The following TECTA variants were observed in gnomAD, a reference collection of about 807,000 sequenced individuals.
TECTA encodes the protein tectorin alpha, also known as alpha-tectorin.
A neutral mutation model predicts 216.8 loss-of-function variants in TECTA; 128 were observed. The observed-to-expected ratio is 0.59, with a 90% CI of 0.51 to 0.68. The LOEUF is 0.68. TECTA is among the 30% of genes least tolerant of loss of function. The pLI, the probability that TECTA is intolerant of heterozygous loss-of-function variation, is 0.00. For missense variants in TECTA, 2,551 were observed against 2,786.2 expected (o/e 0.92, Z 1.90); for synonymous variants, 1,089 against 1,117.1 (o/e 0.97, Z 0.50).
At position 121,190,834 on chromosome 11, in the gene TECTA, T is replaced by C. The variant is rs1417032976; in HGVS notation, c.*28T>C. On this transcript the variant is annotated 3_prime_UTR_variant, in exon 24 of 24. Coordinates refer to ENST00000392793, the MANE Select transcript of TECTA (RefSeq NM_005422.4). The stretch of plus-strand genomic sequence containing the variant: ...AACTCAAGGTTGCTATATAAAGTAC[T>C]GTAATTTACTTACTTCAACACCCTG... The C allele has an allele frequency of 6.5e-7, 1 of 1,529,332 alleles. No individual in the cohort carries two copies. Among genetic ancestry groups the C allele is most frequent in the Middle Eastern group, 1.7e-4 (1 of 5,898 alleles). The allele number at this position is 1,529,332 out of a possible 1,614,324, so 94.7% of individuals were successfully genotyped here. A position where few individuals can be genotyped will look rare whatever the true frequency, so the allele number is the denominator to read the frequency against.
intron 20 of TECTA, among the ~76,000 whole-genome samples, chr11:121,186,940 A>G (rs538490231): frequency 1.6e-3 from 238 of 152,350 alleles, no homozygotes; most frequent in African/African-American, 5.4e-3. Context: ...GCCACATGCC[A>G]TGTAGTGCAT....
At chr11:121,103,873 T>A (rs1946368091) in intron 2 of TECTA, among the ~76,000 whole-genome samples, 2 of 152,190 alleles carry the variant, frequency 1.3e-5, no homozygotes, top group Non-Finnish European at 2.9e-5. Flanking sequence ...TATTTAACAG[T>A]CCGTTCTTTC....
At chr11:121,175,639 G>C (rs1947158326) in intron 20 of TECTA, among the ~76,000 whole-genome samples, 1 of 152,102 alleles carries the variant, frequency 6.6e-6, no homozygotes, top group South Asian at 2.1e-4. Context: ...GAATAGGTGT[G>C]GTGTGGTGCT....
intron 11 of TECTA, among the ~76,000 whole-genome samples, chr11:121,139,869 A>G (rs1044542733): frequency 5.3e-5 from 8 of 152,302 alleles, no homozygotes; most frequent in African/African-American, 1.7e-4. Context: ...TGGATAGTCA[A>G]AGCTACCCAT....
In TECTA at chr11:121,168,959, G is replaced by A. The variant is rs377547006; in HGVS notation, c.5999+34G>A. 5 of 1,613,616 alleles carry A rather than the reference G, an allele frequency of 3.1e-6. No homozygotes were observed. The African/African-American group carries it at 4.0e-5, about 13-fold the overall frequency. On this transcript the variant is annotated intron_variant, in intron 20 of 23. Transcript: ENST00000392793. ...CCTCTTTATAGACAACATTCTCAGA[G>A]CTTCAGGTATAATATTGTCCTCATC... is the stretch of plus-strand genomic sequence containing the variant.
chr11:121,163,799 C>A (rs1249564397), intron 16 of TECTA, among the ~76,000 whole-genome samples: 1 of 152,212 alleles, frequency 6.6e-6, no homozygotes, highest in Non-Finnish European at 1.5e-5. Flanking sequence ...TTCCTGTGGG[C>A]TGTAACCTCT....
chr11:121,173,417 G>C (rs1364901927), intron 20 of TECTA, among the ~76,000 whole-genome samples: 3 of 141,886 alleles, frequency 2.1e-5, no homozygotes, highest in African/African-American at 8.1e-5. Context: ...TGGCTAGCCA[G>C]TTTTCCCAGC....
chr11:121,190,701 T>A lies in TECTA; in HGVS notation c.6368-5T>A, dbSNP rs1469157532. 1.9e-6 allele frequency: 3 copies of A among 1,611,320 alleles called. No individual in the cohort carries two copies. The highest frequency in any genetic ancestry group is 2.5e-6 in the Non-Finnish European group (3 of 1,177,540). On this transcript the variant is annotated splice_region_variant and splice_polypyrimidine_tract_variant and intron_variant, in intron 23 of 23. Coordinates refer to ENST00000392793, the MANE Select transcript of TECTA (RefSeq NM_005422.4). ...AGGGCTTACTGTGTTCCTCTCTGTTTACAGCCTCTAATTCTTCAATGGAAC... is the reference window on the plus strand; with the variant it reads ...AGGGCTTACTGTGTTCCTCTCTGTTAACAGCCTCTAATTCTTCAATGGAAC...
At chr11:121,180,938 C>T (rs1393757710) in intron 20 of TECTA, among the ~76,000 whole-genome samples, 3 of 150,996 alleles carry the variant, frequency 2.0e-5, no homozygotes, top group Non-Finnish European at 2.9e-5. Flanking sequence ...GAGGCCGAAG[C>T]GGGTGGATCA....
chr11:121,180,405 G>C (rs1020353577), intron 20 of TECTA, among the ~76,000 whole-genome samples: 2 of 151,756 alleles, frequency 1.3e-5, no homozygotes, highest in Non-Finnish European at 2.9e-5. Flanking sequence ...TTCTTGATTA[G>C]CAGGTTTTTT....
intron 2 of TECTA, among the ~76,000 whole-genome samples, chr11:121,103,181 G>A (rs1028804229): frequency 6.6e-6 from 1 of 152,040 alleles, no homozygotes; most frequent in Admixed American, 6.6e-5. Context: ...GACCTTTTAC[G>A]TGGCCCTCAA....
Position 121,128,286 on chromosome 11 carries a change from G to A in TECTA, c.2309G>A (p.Arg770Gln), listed in dbSNP as rs1357752402. Residue 770 changes from arginine (R) to glutamine (Q), a missense_variant, in exon 9 of 24, where the codon CGG becomes CAG. Coordinates refer to ENST00000392793, the MANE Select transcript of TECTA (RefSeq NM_005422.4). Reference sequence around the variant, plus strand: ...GGACCTGCTTGGCTGCGGGGACTTCGGATCCTGGTGGCCGACCAGGAGGTC... The same window carrying A: ...GGACCTGCTTGGCTGCGGGGACTTCAGATCCTGGTGGCCGACCAGGAGGTC... The part of the protein sequence containing the change: ...DAGPAWLRGL[R>Q]ILVADQEVKI... 2 of 1,599,772 alleles carry A rather than the reference G, an allele frequency of 1.3e-6. No individual in the cohort carries two copies. Among genetic ancestry groups the A allele is most frequent in the Non-Finnish European group, 1.7e-6 (2 of 1,179,966 alleles).
intron 16 of TECTA, among the ~76,000 whole-genome samples, chr11:121,165,045 T>C (rs1441184111): frequency 9.9e-5 from 15 of 152,204 alleles, no homozygotes; most frequent in Admixed American, 9.8e-4. Flanking sequence ...AATACTTAGC[T>C]TGAGGAGTAT....
At chr11:121,168,264 C>CAGAA in intron 19 of TECTA, 47 bp downstream of exon 19, 2 of 1,611,394 alleles carry the variant, frequency 1.2e-6, no homozygotes, top group Non-Finnish European at 1.7e-6. Flanking sequence ...TATTCCTTGA[C>CAGAA]AGTTAAGGTT....
chr11:121,166,877 G>A lies in TECTA; in HGVS notation c.5586+97G>A, dbSNP rs773189302. 7.4e-5 allele frequency: 104 copies of A among 1,411,980 alleles called. 1 individual carries two copies. The highest frequency in any genetic ancestry group is 1.1e-4 in the Admixed American group (6 of 55,934). 87.5% of individuals were successfully genotyped at this position (1,411,980 alleles called of 1,614,324 possible). Reference sequence around the variant, plus strand: ...CTGAAAACCAACTTCAGGGTGATCTGCTTAGAAATATGCTCCTTAGAAAAC... The same window carrying A: ...CTGAAAACCAACTTCAGGGTGATCTACTTAGAAATATGCTCCTTAGAAAAC... On this transcript the variant is annotated intron_variant, in intron 18 of 23. Coordinates refer to ENST00000392793, the MANE Select transcript of TECTA (RefSeq NM_005422.4).
intron 20 of TECTA, among the ~76,000 whole-genome samples, chr11:121,184,978 G>A (rs1162762904): frequency 6.6e-6 from 1 of 152,160 alleles, no homozygotes; most frequent in Non-Finnish European, 1.5e-5. Context: ...TAAGATATGA[G>A]ACACTCTACA....
rs149716373 is a variant in TECTA, at chr11:121,189,809, C to G, written c.6296C>G (p.Thr2099Arg). 92 of 1,613,812 alleles carry G rather than the reference C, an allele frequency of 5.7e-5. No homozygotes were observed. Among genetic ancestry groups the G allele is most frequent in the Non-Finnish European group, 7.5e-5 (89 of 1,179,982 alleles). The part of the protein sequence containing the change: ...EDNGGCEQIC[T>R]SRVDGPLCSC... ...AATGGAGGGTGTGAGCAGATTTGCA[C>G]GAGCCGGGTGGATGGGCCTCTCTGC... The change falls in exon 23 of 24, where the codon ACG (threonine) becomes AGG (arginine). Residue 2099 changes from threonine to arginine, a missense_variant. This residue lies in a region of TECTA where 118 missense variants were observed against 116.4 expected (regional missense o/e 1.01). Transcript: ENST00000392793.
chr11:121,113,069 T>C lies in TECTA; in HGVS notation c.487-3T>C, dbSNP rs752403429. 6.2e-7 allele frequency: 1 copy of C among 1,614,088 alleles called. No individual in the cohort carries two copies. The highest frequency in any genetic ancestry group is 8.5e-7 in the Non-Finnish European group (1 of 1,179,994). On this transcript the variant is annotated splice_region_variant and splice_polypyrimidine_tract_variant and intron_variant, in intron 4 of 23. Coordinates refer to ENST00000392793, the MANE Select transcript of TECTA (RefSeq NM_005422.4). The surrounding 1 kb of genome is among the most constrained non-coding windows in gnomAD (Gnocchi z 4.2). The stretch of plus-strand genomic sequence containing the variant: ...CATGAGACTGCGCATTCCCATCCTG[T>C]AGGTGAACACCTTCCAGGCCGTCCT...
rs909573261 is a variant in TECTA at position 121,127,102 on chromosome 11, C to T, written c.1775-650C>T. On this transcript the variant is annotated intron_variant, in intron 8 of 23. Coordinates refer to ENST00000392793, the MANE Select transcript of TECTA (RefSeq NM_005422.4). The surrounding 1 kb of genome is among the most constrained non-coding windows in gnomAD (Gnocchi z 5.0). ...ACCCAGATGTTATTAAAGCAAGAAC[C>T]GAAGATTTCTAAGGCAAGAAGGGCC... 1.3e-5 allele frequency among the ~76,000 whole-genome samples: 2 copies of T among 152,132 alleles called. No individual in the cohort carries two copies. The highest frequency in any genetic ancestry group is 4.8e-5 in the African/African-American group (2 of 41,416).
Sources: gnomAD v4.1 joint callset for allele counts (sites outside exome capture counted in the v4.1 genomes callset) on GRCh38, gnomAD v4.1.1 for gene constraint, gnomAD v4.1.1 regional missense constraint, Gnocchi (gnomAD v3.1) non-coding constraint, MANE v1.5 for transcripts, NCBI Gene and HGNC (gene_info 2026-07-23, HGNC 2026-07-21) for gene names.